The following EFHC2 variants were observed in gnomAD, a reference collection of about 807,000 sequenced individuals.
EFHC2 encodes the protein EF-hand domain containing 2.
Under a neutral mutation model 52.7 loss-of-function variants are expected in EFHC2, and 18 were observed. The ratio of observed to expected loss-of-function variants is 0.34; its 90% CI spans 0.24 to 0.51. The LOEUF (loss-of-function observed/expected upper bound fraction) is 0.51, where lower values mean the gene tolerates loss of function less well. Ranked by LOEUF, EFHC2 falls within the 20% of genes least tolerant of loss-of-function variation. The pLI, the probability that EFHC2 is intolerant of heterozygous loss-of-function variation, is 0.97. For missense variants in EFHC2, 513 were observed against 562.5 expected (o/e 0.91, Z 0.89); for synonymous variants, 203 against 204.1 (o/e 0.99, Z 0.04).
intron 11 of EFHC2, among the ~76,000 whole-genome samples, chrX:44,210,866 A>G (rs918900964): frequency 1.1e-4 from 12 of 112,366 alleles, no homozygotes; most frequent in African/African-American, 2.9e-4. Context: ...TCTTTGAAAG[A>G]CACTTTTAAA....
rs1446122555 is a variant in EFHC2 at position 44,264,431 on chromosome X, G to T, written c.383-3133C>A. Among the ~76,000 whole-genome samples, 12 of 111,965 alleles carry T rather than the reference G, an allele frequency of 1.1e-4. No individual in the cohort carries two copies. The Admixed American group carries it at 1.1e-3, about 11-fold the overall frequency. The stretch of plus-strand genomic sequence containing the variant: ...CAGGGCCTGCCCCACCAGCTGACTT[G>T]CCTCTCCCAGGAGCCTGCAGATCTC... On this transcript the variant is annotated intron_variant, in intron 3 of 14. Coordinates refer to ENST00000420999, the MANE Select transcript of EFHC2 (RefSeq NM_025184.4).
At chrX:44,227,467 A>G (rs2037241787) in intron 11 of EFHC2, among the ~76,000 whole-genome samples, 2 of 110,960 alleles carry the variant, frequency 1.8e-5, no homozygotes, top group Non-Finnish European at 3.8e-5. Context: ...CTCTTGGTCT[A>G]CGCTCTCATT....
rs1602216556 is a variant in EFHC2, at chrX:44,320,904, C to G, written c.43-8148G>C. Reference sequence around the variant, plus strand: ...GTTTGAAAGGTCTAGAGTCCTCTAACTTGAGACATGAGGTTAAGAGTATAA... The same window carrying G: ...GTTTGAAAGGTCTAGAGTCCTCTAAGTTGAGACATGAGGTTAAGAGTATAA... On this transcript the variant is annotated intron_variant, in intron 1 of 14. Transcript: ENST00000420999. Among the ~76,000 whole-genome samples, 4 of 111,187 alleles carry G rather than the reference C, an allele frequency of 3.6e-5. 1 individual carries two copies. The Admixed American group carries it at 3.9e-4, about 11-fold the overall frequency.
chrX:44,239,245 C>A (rs1241324129), intron 8 of EFHC2, among the ~76,000 whole-genome samples: 1 of 112,075 alleles, frequency 8.9e-6, no homozygotes, highest in African/African-American at 3.2e-5. Context: ...TTATGACTGG[C>A]ACAAGTCTGG....
At chrX:44,152,577 C>G (rs1003860827) in intron 14 of EFHC2, among the ~76,000 whole-genome samples, 1 of 111,442 alleles carries the variant, frequency 9.0e-6, no homozygotes, top group Non-Finnish European at 1.9e-5. Context: ...CACCAACTGG[C>G]AGTATGAAGA....
Position 44,308,367 on chromosome X carries a change from CAT to C in EFHC2, c.231+4199_231+4200del, listed in dbSNP as rs1172532526. Among the ~76,000 whole-genome samples the C allele has an allele frequency of 4.7e-5, 5 of 107,409 alleles. No homozygotes were observed. The Admixed American group carries it at 5.0e-4, about 11-fold the overall frequency. The allele number at this position is 107,409 out of a possible 115,157, so 93.3% of individuals were successfully genotyped here. A position where few individuals can be genotyped will look rare whatever the true frequency, so the allele number is the denominator to read the frequency against. ...AAAGCATTATCTCATTTAATTTAAT[CAT>C]AGCACATAAAAAAGACCTCAATAAA... On this transcript the variant is annotated intron_variant, in intron 2 of 14. Coordinates refer to ENST00000420999, the MANE Select transcript of EFHC2 (RefSeq NM_025184.4).
At chrX:44,184,747 G>A (rs768582867) in intron 11 of EFHC2, among the ~76,000 whole-genome samples, 2 of 103,767 alleles carry the variant, frequency 1.9e-5, no homozygotes, top group African/African-American at 7.1e-5. Flanking sequence ...AAAAAAAAGT[G>A]TGACCCCTTC....
intron 1 of EFHC2, among the ~76,000 whole-genome samples, chrX:44,321,139 T>G (rs2038017365): frequency 9.0e-6 from 1 of 111,448 alleles, no homozygotes; most frequent in African/African-American, 3.3e-5. Flanking sequence ...CAAAAAGGAT[T>G]TACCAATAGA....
intron 14 of EFHC2, among the ~76,000 whole-genome samples, chrX:44,150,113 T>A (rs1046263479): frequency 8.9e-6 from 1 of 112,372 alleles, no homozygotes; most frequent in African/African-American, 3.2e-5. Flanking sequence ...GGTTAAAATA[T>A]GACTGTCAAG....
chrX:44,275,576 G>A (rs891410050), intron 2 of EFHC2, among the ~76,000 whole-genome samples: 2 of 109,146 alleles, frequency 1.8e-5, no homozygotes, highest in African/African-American at 6.7e-5. Flanking sequence ...TAATTATGAT[G>A]TAAGGTGTTA....
chrX:44,215,429 C>CA (rs766755597), intron 11 of EFHC2, among the ~76,000 whole-genome samples: 5 of 105,721 alleles, frequency 4.7e-5, no homozygotes, highest in South Asian at 4.2e-4. Context: ...TAAAACAAAA[C>CA]AAAAAAATGA....
At chrX:44,299,537 C>T (rs191891625) in intron 2 of EFHC2, among the ~76,000 whole-genome samples, 146 of 111,615 alleles carry the variant, frequency 1.3e-3, no homozygotes, top group African/African-American at 4.6e-3. Context: ...AAGCCTCTCC[C>T]CGGCTTTGTG....
intron 12 of EFHC2, among the ~76,000 whole-genome samples, chrX:44,176,830 C>T (rs1289169230): frequency 8.9e-6 from 1 of 111,935 alleles, no homozygotes; most frequent in Non-Finnish European, 1.9e-5. Flanking sequence ...AACCTTATCA[C>T]CTGGAAGCCC....
intron 1 of EFHC2, among the ~76,000 whole-genome samples, chrX:44,321,097 G>C (rs2038017092): frequency 8.9e-6 from 1 of 111,756 alleles, no homozygotes; most frequent in Non-Finnish European, 1.9e-5. Context: ...CAGTGGAAGT[G>C]ATCAAGTTCT....
chrX:44,316,928 G>A (rs781200690), intron 1 of EFHC2, among the ~76,000 whole-genome samples: 2 of 112,063 alleles, frequency 1.8e-5, no homozygotes, highest in African/African-American at 6.5e-5. Flanking sequence ...ACTTGAGACC[G>A]TCATTACAAC....
chrX:44,206,999 G>A (rs186369334), intron 11 of EFHC2, among the ~76,000 whole-genome samples: 278 of 111,514 alleles, frequency 2.5e-3, no homozygotes, highest in Non-Finnish European at 4.3e-3. Flanking sequence ...CATGGTACTT[G>A]TACAAAAAAT....
At chrX:44,173,824 TGA>T (rs1409396230) in intron 13 of EFHC2, among the ~76,000 whole-genome samples, 1 of 111,913 alleles carries the variant, frequency 8.9e-6, no homozygotes, top group Non-Finnish European at 1.9e-5. Context: ...GCTGAGAGAA[TGA>T]GAGGATGATG....
chrX:44,176,194 T>G, intron 13 of EFHC2, 98 bp downstream of exon 13: 2 of 654,990 alleles, frequency 3.1e-6, no homozygotes. Flanking sequence ...CAGTTAAGGG[T>G]AAATCAAGGG....
chrX:44,254,616 G>A (rs138252631), intron 4 of EFHC2, among the ~76,000 whole-genome samples: 4,662 of 111,759 alleles, frequency 0.042, 180 homozygotes, highest in African/African-American at 0.13. Flanking sequence ...AGAAATACGG[G>A]ACTATGTGAA....
Sources: allele counts gnomAD v4.1 joint callset (sites outside exome capture counted in the v4.1 genomes callset), GRCh38; gene constraint gnomAD v4.1.1; transcripts MANE v1.5; gene names NCBI Gene and HGNC (gene_info 2026-07-23, HGNC 2026-07-21).